The following GMDS variants were observed in gnomAD, a reference collection of about 807,000 sequenced individuals.
The protein encoded by GMDS is GDP-mannose 4,6-dehydratase.
In GMDS, 20 loss-of-function variants were observed where a neutral mutation model predicts 49.9. The ratio of observed to expected loss-of-function variants is 0.40; its 90% CI spans 0.28 to 0.58. The LOEUF is 0.58. Ranked by LOEUF, GMDS falls within the 20% of genes least tolerant of loss-of-function variation. The probability of loss-of-function intolerance (pLI) is 0.42; values close to 1 mark genes in which losing one functional copy is unlikely to be tolerated. For missense variants in GMDS, 362 were observed against 481.4 expected (o/e 0.75, Z 2.32); for synonymous variants, 177 against 178.6 (o/e 0.99, Z 0.07).
intron 7 of GMDS, among the ~76,000 whole-genome samples, chr6:1,887,164 A>G (rs1213180093): frequency 1.3e-5 from 2 of 152,214 alleles, no homozygotes; most frequent in African/African-American, 4.8e-5. Context: ...ATATTATTCA[A>G]TAATACCTTT....
At chr6:2,115,397 T>C (rs144551463) in intron 4 of GMDS, among the ~76,000 whole-genome samples, 12 of 152,356 alleles carry the variant, frequency 7.9e-5, no homozygotes, top group South Asian at 2.1e-4. Context: ...CTACCAAAAA[T>C]TGATATTAAC....
At chr6:2,085,883 A>G (rs754066421) in intron 4 of GMDS, among the ~76,000 whole-genome samples, 2 of 152,246 alleles carry the variant, frequency 1.3e-5, no homozygotes, top group Non-Finnish European at 2.9e-5. Flanking sequence ...CTAGTCATTC[A>G]TTAATCCAGG....
chr6:2,228,162 A>G (rs1780905139), intron 1 of GMDS, among the ~76,000 whole-genome samples: 1 of 152,208 alleles, frequency 6.6e-6, no homozygotes, highest in Non-Finnish European at 1.5e-5. Flanking sequence ...TCTTGGATAT[A>G]AAGTGCAAGC....
intron 7 of GMDS, among the ~76,000 whole-genome samples, chr6:1,915,862 G>A (rs1372333660): frequency 6.6e-6 from 1 of 152,212 alleles, no homozygotes. Context: ...TTTTGAACTT[G>A]AAAATAAAGA....
At chr6:1,993,392 T>C (rs1333611499) in intron 4 of GMDS, among the ~76,000 whole-genome samples, 1 of 152,236 alleles carries the variant, frequency 6.6e-6, no homozygotes, top group Non-Finnish European at 1.5e-5. Flanking sequence ...GACCCTACAC[T>C]TCTGACTTGT....
chr6:1,855,725 C>A (rs1451782963), intron 7 of GMDS, among the ~76,000 whole-genome samples: 1 of 152,112 alleles, frequency 6.6e-6, no homozygotes, highest in East Asian at 1.9e-4. Flanking sequence ...AGCAGGTTGA[C>A]AAAGAAACAA....
chr6:1,966,671 G>C (rs1246665123), intron 4 of GMDS, among the ~76,000 whole-genome samples: 1 of 152,134 alleles, frequency 6.6e-6, no homozygotes, highest in Non-Finnish European at 1.5e-5. Flanking sequence ...CCCACCTCCA[G>C]GGCACCTCTT....
chr6:2,052,805 A>T (rs1311016316), intron 4 of GMDS, among the ~76,000 whole-genome samples: 1 of 152,226 alleles, frequency 6.6e-6, no homozygotes, highest in East Asian at 1.9e-4. Flanking sequence ...AGCTGTAGCA[A>T]CCACTTTATA....
At chr6:1,863,378 T>C (rs1436084418) in intron 7 of GMDS, among the ~76,000 whole-genome samples, 1 of 152,080 alleles carries the variant, frequency 6.6e-6, no homozygotes, top group African/African-American at 2.4e-5. Flanking sequence ...AGGGTGGGAG[T>C]GGAAACAGCA....
chr6:1,810,352 G>C (rs1770366164), intron 7 of GMDS, among the ~76,000 whole-genome samples: 1 of 152,132 alleles, frequency 6.6e-6, no homozygotes, highest in Non-Finnish European at 1.5e-5. Flanking sequence ...GGAGTGCAGT[G>C]ACTCACTGCA....
chr6:1,639,129 G>C (rs742557), intron 9 of GMDS, among the ~76,000 whole-genome samples: 43,587 of 152,030 alleles, frequency 0.29, 6,345 homozygotes, highest in East Asian at 0.49. Context: ...TGGATACGGG[G>C]AGAGGGCTCA....
At chr6:1,676,370 T>C (rs1423267058) in intron 9 of GMDS, among the ~76,000 whole-genome samples, 8 of 152,316 alleles carry the variant, frequency 5.3e-5, no homozygotes, top group African/African-American at 1.7e-4. Flanking sequence ...AGGTAATTTA[T>C]AGATTCAATG....
At chr6:2,049,092 T>C (rs1359474928) in intron 4 of GMDS, among the ~76,000 whole-genome samples, 1 of 152,178 alleles carries the variant, frequency 6.6e-6, no homozygotes, top group Non-Finnish European at 1.5e-5. Context: ...AAGAACTGAA[T>C]TTGCCTTGAT....
intron 7 of GMDS, among the ~76,000 whole-genome samples, chr6:1,852,386 T>C (rs963821319): frequency 3.9e-5 from 6 of 152,200 alleles, no homozygotes; most frequent in Non-Finnish European, 5.9e-5. Flanking sequence ...ATAAAAGCTT[T>C]TTGCTTAACG....
At chr6:1,930,061 T>C (rs756520901) in intron 7 of GMDS, 42 bp downstream of exon 7, 2 of 1,550,224 alleles carry the variant, frequency 1.3e-6, no homozygotes, top group Admixed American at 1.8e-5. Context: ...AGAATATCAA[T>C]GGATACGGGT....
intron 9 of GMDS, among the ~76,000 whole-genome samples, chr6:1,718,632 T>C (rs1322698878): frequency 6.6e-6 from 1 of 152,140 alleles, no homozygotes; most frequent in African/African-American, 2.4e-5. Context: ...GAGTTTCTAT[T>C]GGACAAGGAC....
intron 7 of GMDS, among the ~76,000 whole-genome samples, chr6:1,784,237 T>G (rs556705856): frequency 1.1e-3 from 159 of 151,174 alleles, no homozygotes; most frequent in African/African-American, 3.7e-3. Context: ...ACTGAAAATA[T>G]AAAAATTGGC....
intron 1 of GMDS, among the ~76,000 whole-genome samples, chr6:2,194,063 A>G (rs984885339): frequency 6.6e-6 from 1 of 152,028 alleles, no homozygotes; most frequent in African/African-American, 2.4e-5. Flanking sequence ...CATTATAAAT[A>G]TGATGTGTCT....
intron 7 of GMDS, among the ~76,000 whole-genome samples, chr6:1,892,502 G>A (rs1297866932): frequency 6.6e-6 from 1 of 152,052 alleles, no homozygotes; most frequent in Non-Finnish European, 1.5e-5. Flanking sequence ...AGGATTACAG[G>A]TGCACACCAC....
Sources: gnomAD v4.1 joint callset for allele counts (sites outside exome capture counted in the v4.1 genomes callset) on GRCh38, gnomAD v4.1.1 for gene constraint, MANE v1.5 for transcripts, NCBI Gene and HGNC (gene_info 2026-07-23, HGNC 2026-07-21) for gene names.